The following KCTD3 variants were observed in gnomAD, a reference collection of about 807,000 sequenced individuals.
KCTD3 encodes the protein BTB/POZ domain-containing protein KCTD3.
A neutral mutation model predicts 85.8 loss-of-function variants in KCTD3; 41 were observed. That is an observed-to-expected ratio of 0.48 (90% CI 0.37 to 0.62). KCTD3 has a LOEUF of 0.62. Among genes scored for constraint, KCTD3 ranks in the 20% least tolerant of loss-of-function variants. The pLI is 0.00. For synonymous variants in KCTD3, 338 were observed against 345.4 expected (o/e 0.98, Z 0.24); for missense variants, 724 against 989.9 (o/e 0.73, Z 3.60).
At chr1:215,605,295 A>G (rs1023435322) in intron 13 of KCTD3, among the ~76,000 whole-genome samples, 7 of 152,322 alleles carry the variant, frequency 4.6e-5, no homozygotes, top group African/African-American at 1.7e-4. Flanking sequence ...TTCAGTCCAT[A>G]GCTGAATGAT....
Position 215,606,764 on chromosome 1 carries a change from T to C in KCTD3, c.1310-1253T>C, listed in dbSNP as rs531211614. 5.3e-5 allele frequency among the ~76,000 whole-genome samples: 8 copies of C among 152,172 alleles called. No homozygotes were observed. In the East Asian group the frequency reaches 1.3e-3, roughly 26 times the overall value. On this transcript the variant is annotated intron_variant, in intron 13 of 17. Coordinates refer to ENST00000259154, the MANE Select transcript of KCTD3 (RefSeq NM_016121.5). ...ATTTTGTGTATACTCAGTTATGTTA[T>C]TCTGCCACCTGGTGGATATTAACAC... is the stretch of plus-strand genomic sequence containing the variant.
intron 9 of KCTD3, among the ~76,000 whole-genome samples, chr1:215,591,709 G>GC (rs1417004401): frequency 1.3e-5 from 2 of 152,284 alleles, no homozygotes; most frequent in African/African-American, 4.8e-5. Flanking sequence ...TTAGGCCTTA[G>GC]CCAAGGTCTT....
At chr1:215,599,831 A>T (rs1354531296) in intron 10 of KCTD3, among the ~76,000 whole-genome samples, 4 of 152,008 alleles carry the variant, frequency 2.6e-5, no homozygotes, top group African/African-American at 9.7e-5. Flanking sequence ...CCAGAGAATA[A>T]ATGGTAAAAA....
intron 10 of KCTD3, among the ~76,000 whole-genome samples, chr1:215,597,479 G>A (rs1314517353): frequency 6.6e-6 from 1 of 152,080 alleles, no homozygotes; most frequent in Admixed American, 6.5e-5. Flanking sequence ...TCATATCAAC[G>A]TAGACAGCTT....
chr1:215,582,967 A>G (rs1659880802), intron 8 of KCTD3, among the ~76,000 whole-genome samples: 1 of 152,212 alleles, frequency 6.6e-6, no homozygotes. Flanking sequence ...TATCTTATTA[A>G]GAGTTAAATT....
chr1:215,583,766 T>C (rs1293015499), intron 8 of KCTD3, among the ~76,000 whole-genome samples: 5 of 152,190 alleles, frequency 3.3e-5, no homozygotes, highest in African/African-American at 1.2e-4. Flanking sequence ...GATGATGGTA[T>C]TTCTGCCTAT....
chr1:215,570,774 T>C (rs1258583949), intron 1 of KCTD3, among the ~76,000 whole-genome samples: 2 of 152,226 alleles, frequency 1.3e-5, no homozygotes, highest in Non-Finnish European at 2.9e-5. Context: ...GAAGTATAAC[T>C]GTGGGTATGC....
intron 13 of KCTD3, among the ~76,000 whole-genome samples, chr1:215,605,925 A>G (rs1407313228): frequency 1.3e-5 from 2 of 152,070 alleles, no homozygotes; most frequent in Admixed American, 1.3e-4. Context: ...TTCCCTCTCT[A>G]TGGTACATGT....
rs1655699979 is a variant in KCTD3 at position 215,621,756 on chromosome 1, A to C, written c.*1138A>C. The stretch of plus-strand genomic sequence containing the variant: ...ACTATATTGCCAGTGGTTTCACAAC[A>C]GTTCTCTTGTATTTATTTATCAATT... On this transcript the variant is annotated 3_prime_UTR_variant, in exon 18 of 18. Transcript: ENST00000259154. 1 of 152,554 alleles carries C rather than the reference A, an allele frequency of 6.6e-6. No individual in the cohort carries two copies. The highest frequency in any genetic ancestry group is 2.4e-5 in the African/African-American group (1 of 41,442). The allele number at this position is 152,554 out of a possible 1,614,324, so 9.5% of individuals were successfully genotyped here.
Position 215,619,041 on chromosome 1 carries a change from T to A in KCTD3, c.1718T>A (p.Met573Lys). 2 of 1,612,808 alleles carry A rather than the reference T, an allele frequency of 1.2e-6. No individual in the cohort carries two copies. Among genetic ancestry groups the A allele is most frequent in the Non-Finnish European group, 1.7e-6 (2 of 1,179,582 alleles). ...SIQMWDLTTAMDMVNKSEDKD... is the reference protein window; with the variant it reads ...SIQMWDLTTAKDMVNKSEDKD... ...CAAATGTGGGATCTGACCACTGCTA[T>A]GGATATGGTTAACAAAAGTGAAGAT... The change falls in exon 16 of 18, where the codon ATG becomes AAG. Residue 573 changes from methionine to lysine, a missense_variant. Physicochemically the swap from Met to Lys is moderately conservative, Grantham distance 95. Transcript: ENST00000259154.
At chr1:215,576,005 C>G (rs373023035) in intron 4 of KCTD3, 31 bp downstream of exon 4, 3 of 1,052,950 alleles carry the variant, frequency 2.8e-6, no homozygotes, top group Non-Finnish European at 4.3e-6. Context: ...AAAGTAAATT[C>G]TTACTGATAA....
intron 12 of KCTD3, among the ~76,000 whole-genome samples, chr1:215,603,106 C>G (rs868762506): frequency 1.3e-5 from 2 of 152,054 alleles, no homozygotes; most frequent in Non-Finnish European, 1.5e-5. Flanking sequence ...TACTTGGCCC[C>G]TTACGGAAAG....
At chr1:215,606,127 C>A (rs1262119872) in intron 13 of KCTD3, among the ~76,000 whole-genome samples, 1 of 152,178 alleles carries the variant, frequency 6.6e-6, no homozygotes, top group Non-Finnish European at 1.5e-5. Flanking sequence ...ACACTCTAAC[C>A]TGTTGGCTTT....
chr1:215,582,400 C>A (rs1401947490), intron 8 of KCTD3, among the ~76,000 whole-genome samples: 1 of 152,110 alleles, frequency 6.6e-6, no homozygotes, highest in Non-Finnish European at 1.5e-5. Flanking sequence ...TTATTGAGGT[C>A]TTCATGTAGG....
At chr1:215,587,750 T>G (rs1485851328) in intron 9 of KCTD3, among the ~76,000 whole-genome samples, 2 of 152,250 alleles carry the variant, frequency 1.3e-5, no homozygotes, top group Non-Finnish European at 2.9e-5. Context: ...GTGCATAGTC[T>G]TCTTTGATTC....
At chr1:215,613,258 C>G (rs1371503749) in intron 15 of KCTD3, among the ~76,000 whole-genome samples, 1 of 152,156 alleles carries the variant, frequency 6.6e-6, no homozygotes, top group Non-Finnish European at 1.5e-5. Context: ...GAGTCTTGCT[C>G]TTTTGCCAGG....
In KCTD3 at chr1:215,621,115, A is replaced by C. The variant is rs1343983000; in HGVS notation, c.*497A>C. 1.9e-5 allele frequency: 3 copies of C among 154,480 alleles called. No individual in the cohort carries two copies. Among genetic ancestry groups the C allele is most frequent in the African/African-American group, 7.2e-5 (3 of 41,542 alleles). The allele number at this position is 154,480 out of a possible 1,614,324, so 9.6% of individuals were successfully genotyped here. A position where few individuals can be genotyped will look rare whatever the true frequency, so the allele number is the denominator to read the frequency against. On this transcript the variant is annotated 3_prime_UTR_variant, in exon 18 of 18. Coordinates refer to ENST00000259154, the MANE Select transcript of KCTD3 (RefSeq NM_016121.5). ...TGATGAGGTGCTATGTTTGTGAAAAACATATCATGTAATTCAAAAACACTA... is the reference window on the plus strand; with the variant it reads ...TGATGAGGTGCTATGTTTGTGAAAACCATATCATGTAATTCAAAAACACTA...
chr1:215,583,751 A>G (rs1413322946), intron 8 of KCTD3, among the ~76,000 whole-genome samples: 2 of 152,182 alleles, frequency 1.3e-5, no homozygotes. Context: ...TGCAGTCTGA[A>G]TAGGGATGAT....
At position 215,582,437 on chromosome 1, in the gene KCTD3, C is replaced by T. The variant is rs557965298; in HGVS notation, c.626+2438C>T. Reference sequence around the variant, plus strand: ...AATAACTAGACGTAACTCTATTCTTCGCATAGCTGTCTTAACCAGAGGGTT... The same window carrying T: ...AATAACTAGACGTAACTCTATTCTTTGCATAGCTGTCTTAACCAGAGGGTT... On this transcript the variant is annotated intron_variant, in intron 8 of 17. Transcript: ENST00000259154. Among the ~76,000 whole-genome samples the T allele has an allele frequency of 4.6e-5, 7 of 152,302 alleles. No homozygotes were observed. In the South Asian group the frequency reaches 6.2e-4, roughly 14 times the overall value.
Sources: allele counts gnomAD v4.1 joint callset (sites outside exome capture counted in the v4.1 genomes callset), GRCh38; gene constraint gnomAD v4.1.1; transcripts MANE v1.5; gene names NCBI Gene and HGNC (gene_info 2026-07-23, HGNC 2026-07-21).